The following DOCK2 variants were observed in gnomAD, a reference collection of about 807,000 sequenced individuals.
The protein encoded by DOCK2 is dedicator of cytokinesis 2, also known as dedicator of cytokinesis protein 2.
Under a neutral mutation model 248.9 loss-of-function variants are expected in DOCK2, and 87 were observed. The ratio of observed to expected loss-of-function variants is 0.35; its 90% confidence interval spans 0.29 to 0.42. The LOEUF (loss-of-function observed/expected upper bound fraction) is 0.42. Among genes scored for constraint, DOCK2 ranks in the 10% least tolerant of loss-of-function variants. DOCK2 has a pLI of 1.00. For missense variants in DOCK2, 1,747 were observed against 2,300.2 expected, an observed-to-expected ratio of 0.76 and a Z score of 4.92; for synonymous variants, 805 against 821.6, an observed-to-expected ratio of 0.98 and a Z score of 0.35.
At chr5:169,725,424 TTAAG>T (rs1762417100) in intron 22 of DOCK2, among the ~76,000 whole-genome samples, 1 of 152,202 alleles carries the variant, frequency 6.6e-6, no homozygotes, top group Admixed American at 6.5e-5. Context: ...TTGTCAACTG[TTAAG>T]TAAGTTGCCT....
rs1394142120 is a variant in DOCK2 at position 169,764,849 on chromosome 5, T to G, written c.2554+3224T>G. Among the ~76,000 whole-genome samples, 3 of 151,922 alleles carry G rather than the reference T, an allele frequency of 2.0e-5. No individual in the cohort carries two copies. Among genetic ancestry groups the G allele is most frequent in the African/African-American group, 7.3e-5 (3 of 41,282 alleles). On this transcript the variant is annotated intron_variant, in intron 25 of 51. Coordinates refer to ENST00000520908, the MANE Select transcript of DOCK2 (RefSeq NM_004946.3). This position sits in a 1 kb window ranked among gnomAD's most constrained non-coding sequence, Gnocchi z 4.3. ...CCATTCTGACTTTGAACGTGTTTGT[T>G]GTTGTTGTTGTTGTTGTTGTTGTTT...
At chr5:169,653,592 G>T (rs1185381151) in intron 1 of DOCK2, among the ~76,000 whole-genome samples, 1 of 152,222 alleles carries the variant, frequency 6.6e-6, no homozygotes, top group Non-Finnish European at 1.5e-5. Context: ...TTGTCCCAAT[G>T]GTGCTGTGCT....
chr5:169,703,154 A>T (rs565021873), intron 14 of DOCK2, among the ~76,000 whole-genome samples: 1 of 152,280 alleles, frequency 6.6e-6, no homozygotes, highest in Non-Finnish European at 1.5e-5. Flanking sequence ...ATCAGCTCTC[A>T]GGAGAAATTT....
At chr5:169,736,894 C>G (rs1434758946) in intron 22 of DOCK2, among the ~76,000 whole-genome samples, 2 of 152,106 alleles carry the variant, frequency 1.3e-5, no homozygotes, top group African/African-American at 4.8e-5. Context: ...CATTAGTAAT[C>G]ACATGTTTAT....
At chr5:169,735,172 T>C (rs1279746722) in intron 22 of DOCK2, among the ~76,000 whole-genome samples, 2 of 152,204 alleles carry the variant, frequency 1.3e-5, no homozygotes, top group Non-Finnish European at 2.9e-5. Context: ...TAAAATCCTC[T>C]TATTTCTTTT....
chr5:169,992,839 C>A (rs559289093), intron 29 of DOCK2, among the ~76,000 whole-genome samples: 1 of 152,064 alleles, frequency 6.6e-6, no homozygotes, highest in East Asian at 1.9e-4. Flanking sequence ...ACATGGGCAC[C>A]CAAAGTTAAG....
intron 29 of DOCK2, among the ~76,000 whole-genome samples, chr5:169,986,318 C>T (rs1389689776): frequency 6.6e-6 from 1 of 152,164 alleles, no homozygotes; most frequent in Non-Finnish European, 1.5e-5. Flanking sequence ...TTCCATGCTG[C>T]AGGACTTCTT....
intron 22 of DOCK2, among the ~76,000 whole-genome samples, chr5:169,743,397 C>A (rs911800107): frequency 2.0e-5 from 3 of 152,178 alleles, no homozygotes; most frequent in African/African-American, 7.2e-5. Flanking sequence ...CATATTGAGA[C>A]CCTGTATCTT....
At chr5:169,853,571 A>C (rs1770722864) in intron 27 of DOCK2, among the ~76,000 whole-genome samples, 1 of 152,172 alleles carries the variant, frequency 6.6e-6, no homozygotes, top group African/African-American at 2.4e-5. Flanking sequence ...TGCAGGAATG[A>C]AGCAGCAACG....
chr5:170,057,646 G>A lies in DOCK2; in HGVS notation c.4447G>A (p.Glu1483Lys). 1 of 1,613,294 alleles carries A rather than the reference G, an allele frequency of 6.2e-7. No homozygotes were observed. Among genetic ancestry groups the A allele is most frequent in the Non-Finnish European group, 8.5e-7 (1 of 1,179,482 alleles). Residue 1483 changes from glutamate to lysine, a missense_variant, in exon 44 of 52, where the codon GAG (glutamate) becomes AAG (lysine). Transcript: ENST00000520908. ...YKLPGILRWF[E>K]VVHMSQTTIS... Reference sequence around the variant, plus strand: ...GCTGCCGGGGATCCTGCGCTGGTTTGAGGTGGTGCACATGTCGCAGGTGAG... The same window carrying A: ...GCTGCCGGGGATCCTGCGCTGGTTTAAGGTGGTGCACATGTCGCAGGTGAG...
At chr5:169,664,880 T>C (rs1758637340) in intron 2 of DOCK2, among the ~76,000 whole-genome samples, 1 of 152,144 alleles carries the variant, frequency 6.6e-6, no homozygotes, top group African/African-American at 2.4e-5. Flanking sequence ...AATCTTATTA[T>C]ATATTTCAAC....
chr5:169,832,779 C>T (rs1391913669), intron 26 of DOCK2, among the ~76,000 whole-genome samples: 1 of 152,118 alleles, frequency 6.6e-6, no homozygotes, highest in African/African-American at 2.4e-5. Flanking sequence ...CCATAGAACA[C>T]AGAATGGACA....
intron 44 of DOCK2, among the ~76,000 whole-genome samples, chr5:170,059,202 C>A (rs1458013868): frequency 2.3e-5 from 3 of 130,354 alleles, no homozygotes; most frequent in East Asian, 5.5e-4. Context: ...GCAAGTAGTA[C>A]CCCCAAAAGG....
intron 27 of DOCK2, among the ~76,000 whole-genome samples, chr5:169,982,067 G>A (rs1404410340): frequency 2.1e-5 from 3 of 140,100 alleles, no homozygotes; most frequent in Non-Finnish European, 4.5e-5. Context: ...TGGTAAAAAT[G>A]CTTTTTTTTT....
intron 27 of DOCK2, among the ~76,000 whole-genome samples, chr5:169,972,029 G>C (rs1400246499): frequency 3.9e-5 from 6 of 152,104 alleles, no homozygotes; most frequent in Non-Finnish European, 7.3e-5. Flanking sequence ...GCTAGGACTT[G>C]GCCTTAGAAT....
At chr5:169,855,579 G>T (rs1271059614) in intron 27 of DOCK2, among the ~76,000 whole-genome samples, 1 of 152,210 alleles carries the variant, frequency 6.6e-6, no homozygotes, top group African/African-American at 2.4e-5. Flanking sequence ...CTAGATGTGT[G>T]TCTTAGAGAG....
Position 170,017,453 on chromosome 5 carries a change from C to T in DOCK2, c.3233-1507C>T, listed in dbSNP as rs1581530257. ...ATTCCTAAGTGCTCCTCTTTATTCC[C>T]TATCTGCTACTTCTGATGCATATTT... On this transcript the variant is annotated intron_variant, in intron 32 of 51. Transcript: ENST00000520908. Among the ~76,000 whole-genome samples, 3 of 152,310 alleles carry T rather than the reference C, an allele frequency of 2.0e-5. No homozygotes were observed. In the South Asian group the frequency reaches 6.2e-4, roughly 32 times the overall value.
rs201601393 is a variant in DOCK2 at position 170,080,231 on chromosome 5, G to A, written c.5235G>A (p.Ala1745=). 1.4e-4 allele frequency: 234 copies of A among 1,614,112 alleles called. 1 individual carries two copies. Among genetic ancestry groups the A allele is most frequent in the Non-Finnish European group, 8.5e-5 (100 of 1,180,020 alleles). Residue 1745 remains alanine (A), a synonymous_variant, in exon 50 of 52, where the codon GCG becomes GCA. Coordinates refer to ENST00000520908, the MANE Select transcript of DOCK2 (RefSeq NM_004946.3). ...LSEHAAIPLK[A]SVLSQMSFAS... ...AGCATGCGGCCATCCCCCTCAAGGC[G>A]TCTGTCCTCTCTCAAATGAGCTTTG...
chr5:169,761,682 T>G, intron 25 of DOCK2, 57 bp downstream of exon 25: 1 of 1,484,776 alleles, frequency 6.7e-7, no homozygotes, highest in Non-Finnish European at 9.3e-7. Flanking sequence ...CCCCACATCA[T>G]TTTGGGGAAG....
Sources: allele counts gnomAD v4.1 joint callset (sites outside exome capture counted in the v4.1 genomes callset), GRCh38; gene constraint gnomAD v4.1.1; non-coding constraint Gnocchi (gnomAD v3.1); transcripts MANE v1.5; gene names NCBI Gene and HGNC (gene_info 2026-07-23, HGNC 2026-07-21).